The following PHEX variants were observed in gnomAD, a reference collection of about 807,000 sequenced individuals.
PHEX encodes phosphate-regulating neutral endopeptidase PHEX.
PHEX carries 16 observed loss-of-function variants against 68.0 expected under a neutral mutation model. That is an observed-to-expected ratio of 0.24 (90% CI 0.16 to 0.36). The LOEUF is 0.36. Ranked by LOEUF, PHEX falls within the 10% of genes least tolerant of loss-of-function variation. The pLI, the probability that PHEX is intolerant of heterozygous loss-of-function variation, is 1.00. For synonymous variants in PHEX, 208 were observed against 205.1 expected, an observed-to-expected ratio of 1.01 and a Z score of -0.12; for missense variants, 480 against 575.5, an observed-to-expected ratio of 0.83 and a Z score of 1.70.
At chrX:22,222,202 A>G (rs1935290996) in intron 18 of PHEX, among the ~76,000 whole-genome samples, 1 of 111,751 alleles carries the variant, frequency 8.9e-6, no homozygotes, top group Non-Finnish European at 1.9e-5. Flanking sequence ...TGTCCTGGAC[A>G]GCCATTTCTC....
chrX:22,064,069 T>A (rs1928492495), intron 3 of PHEX, among the ~76,000 whole-genome samples: 1 of 112,759 alleles, frequency 8.9e-6, no homozygotes, highest in Non-Finnish European at 1.9e-5. Flanking sequence ...TACATGACGC[T>A]TTTTTATCAC....
chrX:22,099,552 T>G (rs1375476624), intron 9 of PHEX, among the ~76,000 whole-genome samples: 1 of 110,284 alleles, frequency 9.1e-6, no homozygotes, highest in Admixed American at 9.7e-5. Context: ...TAAGTCACTT[T>G]CTGGCAATAA....
At chrX:22,150,628 T>G (rs1932840104) in intron 12 of PHEX, among the ~76,000 whole-genome samples, 1 of 112,382 alleles carries the variant, frequency 8.9e-6, no homozygotes, top group Non-Finnish European at 1.9e-5. Context: ...GGCAGTATCC[T>G]GAATTTATTT....
chrX:22,038,057 T>A (rs2146979035), intron 1 of PHEX, among the ~76,000 whole-genome samples: 1 of 111,179 alleles, frequency 9.0e-6, no homozygotes, highest in South Asian at 3.9e-4. Flanking sequence ...GTGCTCATAT[T>A]TGAGCATGTA....
intron 5 of PHEX, among the ~76,000 whole-genome samples, chrX:22,080,702 A>G (rs1195384932): frequency 9.3e-6 from 1 of 107,837 alleles, no homozygotes; most frequent in Non-Finnish European, 1.9e-5. Context: ...ACATAGTTTG[A>G]AAACTACTGG....
Position 22,247,325 on chromosome X carries a change from C to T in PHEX, c.2148-526C>T, listed in dbSNP as rs180866852. Among the ~76,000 whole-genome samples the T allele has an allele frequency of 7.1e-5, 8 of 112,163 alleles. No homozygotes were observed. In the East Asian group the frequency reaches 2.2e-3, roughly 32 times the overall value. ...TCAGTGAAAGAAATCAAAGACCAAA[C>T]AGTACATACCATGGATTCCATTCAC... is the stretch of plus-strand genomic sequence containing the variant. On this transcript the variant is annotated intron_variant, in intron 21 of 21. Coordinates refer to ENST00000379374, the MANE Select transcript of PHEX (RefSeq NM_000444.6).
At chrX:22,112,016 A>G (rs1261527714) in intron 10 of PHEX, among the ~76,000 whole-genome samples, 1 of 112,232 alleles carries the variant, frequency 8.9e-6, no homozygotes, top group Non-Finnish European at 1.9e-5. Context: ...TGGAAATGGA[A>G]TTTTGTCTTA....
At position 22,099,052 on chromosome X, in the gene PHEX, A is replaced by G. The variant is rs1257801016; in HGVS notation, c.980A>G (p.Tyr327Cys). The G allele has an allele frequency of 8.3e-7, 1 of 1,207,922 alleles. No individual in the cohort carries two copies. The highest frequency in any genetic ancestry group is 3.0e-5 in the East Asian group (1 of 33,805). The change falls in exon 9 of 22, where the codon TAC (tyrosine) becomes TGC (cysteine). Residue 327 changes from tyrosine to cysteine, a missense_variant. Physicochemically the swap from Tyr to Cys is radical, Grantham distance 194 (BLOSUM62 -2). Coordinates refer to ENST00000379374, the MANE Select transcript of PHEX (RefSeq NM_000444.6). ...YIKKVIDTRL[Y>C]PHLKDISPSE... Reference sequence around the variant, plus strand: ...AAGAAGGTCATTGACACCAGACTCTACCCCCATCTGAAAGACATCAGCCCC... The same window carrying G: ...AAGAAGGTCATTGACACCAGACTCTGCCCCCATCTGAAAGACATCAGCCCC...
intron 15 of PHEX, among the ~76,000 whole-genome samples, chrX:22,196,693 T>A (rs1340991621): frequency 8.9e-6 from 1 of 112,613 alleles, no homozygotes; most frequent in African/African-American, 3.2e-5. Flanking sequence ...CAAATCAAAT[T>A]AAAGAAGTAT....
chrX:22,215,317 T>C (rs1935052717), intron 16 of PHEX, among the ~76,000 whole-genome samples: 1 of 111,595 alleles, frequency 9.0e-6, no homozygotes, highest in Non-Finnish European at 1.9e-5. Flanking sequence ...AATATGAAGA[T>C]GCTAAAGACA....
intron 15 of PHEX, among the ~76,000 whole-genome samples, chrX:22,190,830 T>C (rs1383176505): frequency 3.6e-5 from 4 of 111,460 alleles, no homozygotes; most frequent in African/African-American, 1.3e-4. Flanking sequence ...GCCATTTTAT[T>C]CATTCCTAGG....
chrX:22,132,077 C>T (rs1319649069), intron 11 of PHEX, among the ~76,000 whole-genome samples: 2 of 111,314 alleles, frequency 1.8e-5, no homozygotes, highest in Non-Finnish European at 3.8e-5. Flanking sequence ...CGGTAGCAGC[C>T]CCCTTTAGAC....
At chrX:22,123,878 C>A (rs1440217006) in intron 11 of PHEX, among the ~76,000 whole-genome samples, 1 of 104,122 alleles carries the variant, frequency 9.6e-6, no homozygotes, top group African/African-American at 3.7e-5. Flanking sequence ...GTTGCCCAGG[C>A]TGGAGTGCAG....
intron 9 of PHEX, among the ~76,000 whole-genome samples, chrX:22,102,958 A>G (rs772160021): frequency 8.9e-6 from 1 of 111,963 alleles, no homozygotes; most frequent in Admixed American, 9.4e-5. Flanking sequence ...GATGTTAACC[A>G]CCACTATGGT....
At chrX:22,083,159 C>T (rs1185405045) in intron 5 of PHEX, among the ~76,000 whole-genome samples, 2 of 111,853 alleles carry the variant, frequency 1.8e-5, no homozygotes, top group African/African-American at 6.5e-5. Flanking sequence ...TGGACCCATC[C>T]CTTTTATCAT....
At chrX:22,112,082 C>T (rs1395174946) in intron 10 of PHEX, among the ~76,000 whole-genome samples, 1 of 111,846 alleles carries the variant, frequency 8.9e-6, no homozygotes, top group Non-Finnish European at 1.9e-5. Flanking sequence ...CCAAGAGGCT[C>T]CAATTTAGTT....
intron 12 of PHEX, among the ~76,000 whole-genome samples, chrX:22,155,735 T>C (rs921197929): frequency 8.9e-6 from 1 of 112,036 alleles, no homozygotes; most frequent in Non-Finnish European, 1.9e-5. Flanking sequence ...AAATAGTTAT[T>C]ATTTAATTAT....
intron 12 of PHEX, among the ~76,000 whole-genome samples, chrX:22,158,248 G>A (rs1224314930): frequency 9.0e-6 from 1 of 111,598 alleles, no homozygotes; most frequent in Non-Finnish European, 1.9e-5. Flanking sequence ...CTGAACTTCT[G>A]GGTGCTTAAA....
At chrX:22,121,173 G>A (rs1396534739) in intron 11 of PHEX, among the ~76,000 whole-genome samples, 1 of 112,234 alleles carries the variant, frequency 8.9e-6, no homozygotes, top group Admixed American at 9.5e-5. Context: ...GACTATTCAG[G>A]ACTATTGCAA....
Sources: allele counts gnomAD v4.1 joint callset (sites outside exome capture counted in the v4.1 genomes callset), GRCh38; gene constraint gnomAD v4.1.1; transcripts MANE v1.5; gene names NCBI Gene and HGNC (gene_info 2026-07-23, HGNC 2026-07-21).